The following CFAP54 variants were observed in gnomAD, a reference collection of about 807,000 sequenced individuals.
CFAP54 encodes cilia and flagella associated protein 54, also known as cilia- and flagella-associated protein 54.
Under a neutral mutation model 370.4 loss-of-function variants are expected in CFAP54, and 290 were observed. The observed-to-expected ratio is 0.78, with a 90% confidence interval of 0.71 to 0.86. The LOEUF is 0.86. Among genes scored for constraint, CFAP54 ranks in the 40% least tolerant of loss-of-function variants. The probability of loss-of-function intolerance (pLI) is 0.00; values close to 1 mark genes in which losing one functional copy is unlikely to be tolerated. For missense variants in CFAP54, 3,399 were observed against 3,528.7 expected, an observed-to-expected ratio of 0.96 and a Z score of 0.93; for synonymous variants, 1,206 against 1,236.5, an observed-to-expected ratio of 0.98 and a Z score of 0.52.
At chr12:96,573,099 G>A (rs1291509953) in intron 19 of CFAP54, 1 of 923,832 alleles carries the variant, frequency 1.1e-6, no homozygotes, top group Non-Finnish European at 1.3e-6. Context: ...CAGTGCTGCT[G>A]GTATATTTTA....
rs1958276906 is a variant in CFAP54, at chr12:96,757,595, G to A, written c.8040+7G>A. 2.6e-6 allele frequency: 4 copies of A among 1,522,084 alleles called. 1 individual carries two copies. Among genetic ancestry groups the A allele is most frequent in the South Asian group, 2.3e-5 (2 of 85,474 alleles). The allele number at this position is 1,522,084 out of a possible 1,614,324, so 94.3% of individuals were successfully genotyped here. On this transcript the variant is annotated splice_region_variant and intron_variant, in intron 58 of 67. Transcript: ENST00000524981. ...ATCACCATTAACACTTAAGGTAAGA[G>A]TCTATTTTATTAGAAATTATGAGTT...
At chr12:96,510,517 C>T (rs1955153746) in intron 4 of CFAP54, among the ~76,000 whole-genome samples, 1 of 152,148 alleles carries the variant, frequency 6.6e-6, no homozygotes, top group Non-Finnish European at 1.5e-5. Flanking sequence ...AGGCCTTCCT[C>T]AGTTCCCCAG....
intron 4 of CFAP54, among the ~76,000 whole-genome samples, chr12:96,508,840 C>A (rs953043586): frequency 2.0e-5 from 3 of 152,132 alleles, no homozygotes; most frequent in Admixed American, 6.6e-5. Flanking sequence ...TGGCGATGAG[C>A]ACCTGGTTTG....
chr12:96,553,197 T>G (rs1220192776), intron 15 of CFAP54, among the ~76,000 whole-genome samples: 1 of 152,172 alleles, frequency 6.6e-6, no homozygotes, highest in South Asian at 2.1e-4. Context: ...GCTTGAAATA[T>G]GTAGCGTAGT....
chr12:96,691,836 G>A (rs1261723982), intron 44 of CFAP54, among the ~76,000 whole-genome samples: 1 of 151,578 alleles, frequency 6.6e-6, no homozygotes, highest in Admixed American at 6.6e-5. Flanking sequence ...TCTCCTTTGG[G>A]GAAAGAAATC....
chr12:96,652,890 T>C (rs1339516734), intron 36 of CFAP54, among the ~76,000 whole-genome samples: 1 of 152,194 alleles, frequency 6.6e-6, no homozygotes, highest in Non-Finnish European at 1.5e-5. Flanking sequence ...TTATGAGAGA[T>C]AAAGAGGGAC....
chr12:96,821,215 G>A (rs963671966), intron 65 of CFAP54, among the ~76,000 whole-genome samples: 45 of 152,148 alleles, frequency 3.0e-4, no homozygotes, highest in African/African-American at 9.4e-4. Context: ...GCAGATGTAG[G>A]TATCAAATTC....
chr12:96,825,260 TATATA>T (rs1012936313), intron 65 of CFAP54, among the ~76,000 whole-genome samples: 3 of 106,166 alleles, frequency 2.8e-5, no homozygotes, highest in African/African-American at 1.1e-4. Flanking sequence ...TTATATATTA[TATATA>T]ATATAACATG....
intron 60 of CFAP54, among the ~76,000 whole-genome samples, chr12:96,781,768 G>A (rs1958583194): frequency 6.6e-6 from 1 of 151,900 alleles, no homozygotes; most frequent in Non-Finnish European, 1.5e-5. Flanking sequence ...GAAGAAGAGT[G>A]GTTTTATGGC....
chr12:96,640,911 A>C (rs933633647), intron 32 of CFAP54, among the ~76,000 whole-genome samples: 24 of 152,126 alleles, frequency 1.6e-4, no homozygotes, highest in Admixed American at 3.3e-4. Flanking sequence ...CTTACACCTT[A>C]TACAAAAATT....
intron 26 of CFAP54, among the ~76,000 whole-genome samples, chr12:96,614,786 A>G (rs1002837250): frequency 9.2e-5 from 14 of 152,366 alleles, no homozygotes; most frequent in African/African-American, 2.9e-4. Context: ...TAAAATACCT[A>G]GAAATACAAC....
intron 26 of CFAP54, among the ~76,000 whole-genome samples, chr12:96,612,344 AT>A (rs1318193583): frequency 3.9e-5 from 6 of 152,198 alleles, no homozygotes; most frequent in African/African-American, 1.2e-4. Context: ...ATGCTGAGAG[AT>A]TTTGTCACCA....
intron 26 of CFAP54, among the ~76,000 whole-genome samples, chr12:96,612,087 A>G (rs1202381152): frequency 6.6e-6 from 1 of 152,204 alleles, no homozygotes; most frequent in Non-Finnish European, 1.5e-5. Flanking sequence ...AAGACACATA[A>G]TGGTCAGATT....
intron 66 of CFAP54, among the ~76,000 whole-genome samples, chr12:96,853,248 A>G (rs934250210): frequency 1.4e-4 from 21 of 152,196 alleles, no homozygotes; most frequent in African/African-American, 5.1e-4. Flanking sequence ...ATCAATAAGA[A>G]TGAACAAACT....
At chr12:96,616,261 G>A (rs142564105) in intron 26 of CFAP54, among the ~76,000 whole-genome samples, 13,366 of 151,584 alleles carry the variant, frequency 0.088, 777 homozygotes, top group Middle Eastern at 0.14. Flanking sequence ...CTATCCCAAA[G>A]ACAAAAAACC....
At chr12:96,609,009 A>C (rs954057698) in intron 26 of CFAP54, among the ~76,000 whole-genome samples, 3 of 152,246 alleles carry the variant, frequency 2.0e-5, no homozygotes, top group Non-Finnish European at 2.9e-5. Flanking sequence ...GTTCAAATGT[A>C]TACTATTTCA....
chr12:96,874,637 T>TA (rs1565770695), intron 67 of CFAP54, among the ~76,000 whole-genome samples: 2 of 84,792 alleles, frequency 2.4e-5, no homozygotes, highest in African/African-American at 5.3e-5. Flanking sequence ...ATTTTATTTT[T>TA]TTTTTTTTTT....
intron 50 of CFAP54, among the ~76,000 whole-genome samples, chr12:96,735,212 A>T (rs1009564811): frequency 6.6e-6 from 1 of 152,238 alleles, no homozygotes; most frequent in Non-Finnish European, 1.5e-5. Flanking sequence ...TTGAAAGCTA[A>T]GCATAATAAT....
intron 65 of CFAP54, among the ~76,000 whole-genome samples, chr12:96,826,909 C>A (rs1959120297): frequency 1.7e-5 from 2 of 119,554 alleles, no homozygotes; most frequent in African/African-American, 3.2e-5. Flanking sequence ...ATTATATATG[C>A]AATTATATAT....
Sources: gnomAD v4.1 joint callset for allele counts (sites outside exome capture counted in the v4.1 genomes callset) on GRCh38, gnomAD v4.1.1 for gene constraint, MANE v1.5 for transcripts, NCBI Gene and HGNC (gene_info 2026-07-23, HGNC 2026-07-21) for gene names.